The following ADK variants were observed in gnomAD, a reference collection of about 807,000 sequenced individuals.
ADK encodes the protein adenosine kinase.
ADK carries 24 observed loss-of-function variants against 44.7 expected under a neutral mutation model. The ratio of observed to expected loss-of-function variants is 0.54; its 90% CI spans 0.39 to 0.76. ADK has a LOEUF of 0.76. ADK is among the 30% of genes least tolerant of loss of function. ADK has a pLI of 0.00. For synonymous variants in ADK, 128 were observed against 142.6 expected (o/e 0.90, Z 0.73); for missense variants, 321 against 425.1 (o/e 0.76, Z 2.15).
At chr10:74,336,997 C>G (rs1841431517) in intron 4 of ADK, among the ~76,000 whole-genome samples, 1 of 152,040 alleles carries the variant, frequency 6.6e-6, no homozygotes. Context: ...TATGGTGGGC[C>G]TATATATATG....
chr10:74,195,729 A>C (rs1591835826), intron 1 of ADK, among the ~76,000 whole-genome samples: 1 of 31,776 alleles, frequency 3.1e-5, no homozygotes, highest in African/African-American at 7.5e-5. Context: ...TTTTTTTTTG[A>C]GGTAGTAGCA....
chr10:74,376,896 T>C (rs1842836929), intron 4 of ADK, among the ~76,000 whole-genome samples: 1 of 152,080 alleles, frequency 6.6e-6, no homozygotes, highest in South Asian at 2.1e-4. Flanking sequence ...TAGTATTTGC[T>C]GAGAATTTGA....
chr10:74,177,923 T>TTATATATATATATA (rs1192890268), intron 1 of ADK, among the ~76,000 whole-genome samples: 10 of 130,320 alleles, frequency 7.7e-5, no homozygotes, highest in African/African-American at 2.8e-4. Context: ...AATTGCATAA[T>TTATATATATATATA]TATATATATA....
At chr10:74,441,318 C>A (rs1014793904) in intron 6 of ADK, among the ~76,000 whole-genome samples, 4 of 152,184 alleles carry the variant, frequency 2.6e-5, no homozygotes, top group South Asian at 4.1e-4. Flanking sequence ...TCATGCACCA[C>A]TGGTGGAAAT....
At position 74,151,314 on chromosome 10, in the gene ADK, G is replaced by A. The variant is rs1432536611; in HGVS notation, c.36G>A (p.Lys12=). ...CTGAGGAGGAGCCGAAGCCCAAAAAGCTGAAGGTGGAGGCGCCGCAAGCGC... is the reference window on the plus strand; with the variant it reads ...CTGAGGAGGAGCCGAAGCCCAAAAAACTGAAGGTGGAGGCGCCGCAAGCGC... ...AAAEEEPKPK[K]LKVEAPQALR... is the part of the protein sequence containing the mutation. Residue 12 remains lysine (K), a synonymous_variant, in exon 1 of 11, where the codon AAG becomes AAA. Transcript: ENST00000539909. 1.3e-6 allele frequency: 2 copies of A among 1,549,554 alleles called. No individual in the cohort carries two copies. The highest frequency in any genetic ancestry group is 1.7e-6 in the Non-Finnish European group (2 of 1,146,834).
chr10:74,695,617 G>GT (rs1168802780), intron 10 of ADK, among the ~76,000 whole-genome samples: 3 of 17,946 alleles, frequency 1.7e-4, no homozygotes, highest in Non-Finnish European at 2.6e-4. Flanking sequence ...GTGTATGTGT[G>GT]GGGTGTGTGT....
chr10:74,371,848 C>T, intron 4 of ADK: 1 of 1,335,906 alleles, frequency 7.5e-7, no homozygotes, highest in South Asian at 1.2e-5. Flanking sequence ...CACTTCACTC[C>T]TGGAACCTTC....
chr10:74,364,753 C>T (rs1290425260), intron 4 of ADK, among the ~76,000 whole-genome samples: 2 of 148,160 alleles, frequency 1.3e-5, no homozygotes, highest in African/African-American at 5.0e-5. Context: ...CTAGCAACCT[C>T]TTTCAAATGA....
intron 1 of ADK, among the ~76,000 whole-genome samples, chr10:74,155,635 T>C (rs1315363137): frequency 6.6e-6 from 1 of 152,146 alleles, no homozygotes; most frequent in Non-Finnish European, 1.5e-5. Flanking sequence ...GTTCATGCCA[T>C]TCTCCTGCCT....
chr10:74,560,928 G>C (rs913770949), intron 7 of ADK, among the ~76,000 whole-genome samples: 1 of 152,160 alleles, frequency 6.6e-6, no homozygotes, highest in African/African-American at 2.4e-5. Context: ...TCATAATCTA[G>C]TTTGGAATGT....
chr10:74,564,519 C>G (rs1850577441), intron 7 of ADK, among the ~76,000 whole-genome samples: 1 of 152,152 alleles, frequency 6.6e-6, no homozygotes, highest in Non-Finnish European at 1.5e-5. Context: ...TTTTTCTCAA[C>G]AAACCTTTCC....
chr10:74,206,876 C>G (rs969352972), intron 2 of ADK, among the ~76,000 whole-genome samples: 3 of 152,142 alleles, frequency 2.0e-5, no homozygotes, highest in African/African-American at 7.2e-5. Context: ...CAGCCAGAAG[C>G]CACTGTGGTT....
chr10:74,285,891 T>A (rs1205421082), intron 3 of ADK, among the ~76,000 whole-genome samples: 1 of 152,200 alleles, frequency 6.6e-6, no homozygotes, highest in East Asian at 1.9e-4. Flanking sequence ...TTTATTTTTT[T>A]AATTTACTGT....
chr10:74,504,553 AAC>A (rs1226733236), intron 6 of ADK, among the ~76,000 whole-genome samples: 5 of 152,194 alleles, frequency 3.3e-5, no homozygotes, highest in African/African-American at 9.7e-5. Context: ...GTATTTTTGT[AAC>A]ACAGTAAGCT....
chr10:74,478,059 T>C (rs1199327886), intron 6 of ADK, among the ~76,000 whole-genome samples: 4 of 152,148 alleles, frequency 2.6e-5, no homozygotes. Flanking sequence ...CATTGCTCTT[T>C]TATTATAGGG....
Position 74,651,944 on chromosome 10 carries a change from G to T in ADK, c.878-18239G>T, listed in dbSNP as rs1236387942. Among the ~76,000 whole-genome samples the T allele has an allele frequency of 2.0e-5, 3 of 152,144 alleles. 1 individual carries two copies. The South Asian group carries it at 6.2e-4, about 32-fold the overall frequency. On this transcript the variant is annotated intron_variant, in intron 9 of 10. Transcript: ENST00000539909. ...TTACATTTATTTGAATTTAGAACAG[G>T]CACTATTAATTTACAGTGATAGAAA...
At chr10:74,224,741 C>T in intron 3 of ADK, 150 bp downstream of exon 3, 1 of 695,182 alleles carries the variant, frequency 1.4e-6, no homozygotes, top group Middle Eastern at 4.0e-4. Flanking sequence ...ATAACCTACA[C>T]TATATAATTT....
At chr10:74,417,685 C>T (rs1024365111) in intron 6 of ADK, among the ~76,000 whole-genome samples, 2 of 151,594 alleles carry the variant, frequency 1.3e-5, no homozygotes, top group African/African-American at 4.8e-5. Context: ...TGTTAATTTC[C>T]ATAACTATCA....
chr10:74,595,710 T>A (rs1851895758), intron 8 of ADK, among the ~76,000 whole-genome samples: 4 of 38 alleles, frequency 0.11, no homozygotes, highest in South Asian at 0.5. Flanking sequence ...AAATAGGCTA[T>A]ATGGCCGGGT....
Sources: allele counts gnomAD v4.1 joint callset (sites outside exome capture counted in the v4.1 genomes callset), GRCh38; gene constraint gnomAD v4.1.1; transcripts MANE v1.5; gene names NCBI Gene and HGNC (gene_info 2026-07-23, HGNC 2026-07-21).